Variants in MAP3K20 observed in about 807,000 individuals in gnomAD.
The protein encoded by MAP3K20 is mitogen-activated protein kinase kinase kinase 20.
In MAP3K20, 40 loss-of-function variants were observed where a neutral mutation model predicts 85.7. The ratio of observed to expected loss-of-function variants is 0.47; its 90% CI spans 0.36 to 0.61. MAP3K20 has a LOEUF of 0.61. Ranked by LOEUF, MAP3K20 falls within the 20% of genes least tolerant of loss-of-function variation. The pLI is 0.00. For missense variants in MAP3K20, 817 were observed against 961.7 expected (o/e 0.85, Z 1.99); for synonymous variants, 325 against 327.7 (o/e 0.99, Z 0.09).
At chr2:173,203,976 G>C in intron 9 of MAP3K20, 106 bp downstream of exon 9, 1 of 1,028,076 alleles carries the variant, frequency 9.7e-7, no homozygotes. Context: ...AGCAAAGCTG[G>C]ATTGATGCTC....
At position 173,198,184 on chromosome 2, in the gene MAP3K20, ATCT is replaced by A. The variant is rs771597782; in HGVS notation, c.669+78_669+80del. The A allele has an allele frequency of 1.0e-4, 142 of 1,358,304 alleles. No homozygotes were observed. The highest frequency in any genetic ancestry group is 1.4e-4 in the Non-Finnish European group (137 of 974,032). The allele number at this position is 1,358,304 out of a possible 1,614,324, so 84.1% of individuals were successfully genotyped here. A position where few individuals can be genotyped will look rare whatever the true frequency, so the allele number is the denominator to read the frequency against. ...TTGGGGTTTTGCAAAAGACTTTTTC[ATCT>A]TCTTCAAATTGAAAGTAAGTTCACG... On this transcript the variant is annotated intron_variant, in intron 8 of 19. Transcript: ENST00000375213. The surrounding 1 kb of genome is among the most constrained non-coding windows in gnomAD (Gnocchi z 5.8).
chr2:173,090,387 CTT>C (rs960082185), intron 1 of MAP3K20, among the ~76,000 whole-genome samples: 11 of 152,184 alleles, frequency 7.2e-5, no homozygotes, highest in African/African-American at 2.7e-4. Context: ...TTTTTCTACT[CTT>C]TAAGTTTTGT....
At position 173,242,239 on chromosome 2, in the gene MAP3K20, G is replaced by A. The variant is rs537062798; in HGVS notation, c.1359+2743G>A. On this transcript the variant is annotated intron_variant, in intron 16 of 19. Coordinates refer to ENST00000375213, the MANE Select transcript of MAP3K20 (RefSeq NM_016653.3). ...TGCCCAGGATGGAGTACAATGGCGCGATCTCGGCTCACTGCAACCTCCGAC... is the reference window on the plus strand; with the variant it reads ...TGCCCAGGATGGAGTACAATGGCGCAATCTCGGCTCACTGCAACCTCCGAC... 2.8e-3 allele frequency among the ~76,000 whole-genome samples: 424 copies of A among 151,344 alleles called. 1 individual carries two copies. Among genetic ancestry groups the A allele is most frequent in the African/African-American group, 9.9e-3 (408 of 41,170 alleles).
At chr2:173,128,355 T>TTTATTTC (rs1688508284) in intron 2 of MAP3K20, among the ~76,000 whole-genome samples, 2 of 117,584 alleles carry the variant, frequency 1.7e-5, no homozygotes, top group Non-Finnish European at 3.6e-5. Context: ...TTATTTCAGA[T>TTTATTTC]AGAGTCTCGC....
intron 2 of MAP3K20, among the ~76,000 whole-genome samples, chr2:173,124,167 C>T (rs1688376426): frequency 1.3e-5 from 2 of 152,160 alleles, no homozygotes; most frequent in South Asian, 4.1e-4. Flanking sequence ...CCATACTAAT[C>T]CCAAAGTTCT....
At chr2:173,082,353 T>A (rs1687035829) in intron 1 of MAP3K20, among the ~76,000 whole-genome samples, 1 of 152,198 alleles carries the variant, frequency 6.6e-6, no homozygotes, top group Non-Finnish European at 1.5e-5. Flanking sequence ...GTCTTAGTCT[T>A]CCCTAGTTTT....
chr2:173,197,923 T>C, intron 7 of MAP3K20, 103 bp from the exon 8 acceptor site: 1 of 938,784 alleles, frequency 1.1e-6, no homozygotes, highest in African/African-American at 1.7e-5. Context: ...GGGTTGGTTG[T>C]GTCTGGTAAT....
In MAP3K20 at chr2:173,267,178, T is replaced by C. The variant is rs1193899609; in HGVS notation, c.*428T>C. 1 of 153,950 alleles carries C rather than the reference T, an allele frequency of 6.5e-6. No homozygotes were observed. Among genetic ancestry groups the C allele is most frequent in the Non-Finnish European group, 1.4e-5 (1 of 69,294 alleles). The allele number at this position is 153,950 out of a possible 1,614,324, so 9.5% of individuals were successfully genotyped here. A position where few individuals can be genotyped will look rare whatever the true frequency, so the allele number is the denominator to read the frequency against. ...TGCAATATGGCCTGGCAAGGCACTG[T>C]TACTGATCTTGTCTTTAACATTTTG... On this transcript the variant is annotated 3_prime_UTR_variant, in exon 20 of 20. Coordinates refer to ENST00000375213, the MANE Select transcript of MAP3K20 (RefSeq NM_016653.3).
chr2:173,225,927 A>T (rs1047342086), intron 11 of MAP3K20: 11 of 985,068 alleles, frequency 1.1e-5, no homozygotes, highest in Non-Finnish European at 1.3e-5. Context: ...AAAAGAAAAA[A>T]AACTCATTGA....
At chr2:173,134,217 A>C (rs1458700001) in intron 2 of MAP3K20, among the ~76,000 whole-genome samples, 1 of 140,384 alleles carries the variant, frequency 7.1e-6, no homozygotes, top group African/African-American at 2.7e-5. Flanking sequence ...TTGAGACAGA[A>C]TCTCGCTCTG....
intron 2 of MAP3K20, among the ~76,000 whole-genome samples, chr2:173,096,153 T>TA (rs1379645929): frequency 7.2e-5 from 11 of 152,218 alleles, no homozygotes; most frequent in Admixed American, 2.0e-4. Flanking sequence ...CCTTAAACAC[T>TA]TCATCCTGTA....
chr2:173,234,670 G>A (rs1378229478), intron 14 of MAP3K20, among the ~76,000 whole-genome samples: 1 of 152,216 alleles, frequency 6.6e-6, no homozygotes, highest in African/African-American at 2.4e-5. Flanking sequence ...GGAAGAGAAT[G>A]TGGAGGAACA....
At chr2:173,139,888 C>T (rs1180027087) in intron 2 of MAP3K20, among the ~76,000 whole-genome samples, 1 of 148,080 alleles carries the variant, frequency 6.8e-6, no homozygotes, top group Admixed American at 6.7e-5. Flanking sequence ...ATATTTACTT[C>T]CTAGATTTTA....
At chr2:173,139,755 G>A (rs1185948829) in intron 2 of MAP3K20, among the ~76,000 whole-genome samples, 1 of 151,982 alleles carries the variant, frequency 6.6e-6, no homozygotes, top group Admixed American at 6.6e-5. Flanking sequence ...GTTAGTAAAC[G>A]AAAAGTAGAT....
intron 3 of MAP3K20, among the ~76,000 whole-genome samples, chr2:173,178,442 G>A (rs1466274351): frequency 1.3e-5 from 2 of 152,196 alleles, no homozygotes; most frequent in South Asian, 2.1e-4. Context: ...CCAGGAGTTC[G>A]AGACCAGCCT....
intron 2 of MAP3K20, among the ~76,000 whole-genome samples, chr2:173,129,941 G>A (rs1688558237): frequency 6.6e-6 from 1 of 152,096 alleles, no homozygotes; most frequent in Admixed American, 6.6e-5. Context: ...AATGAATGCA[G>A]ATACTCACTA....
At chr2:173,170,993 A>G (rs1042686783) in intron 3 of MAP3K20, among the ~76,000 whole-genome samples, 3 of 152,216 alleles carry the variant, frequency 2.0e-5, no homozygotes, top group East Asian at 3.9e-4. Context: ...GTAGTTTAAC[A>G]TGCTTTTACT....
intron 2 of MAP3K20, among the ~76,000 whole-genome samples, chr2:173,159,465 C>T (rs1451386870): frequency 6.7e-6 from 1 of 149,742 alleles, no homozygotes; most frequent in Non-Finnish European, 1.5e-5. Flanking sequence ...TCTCAGCTCA[C>T]TGCAGCCTGG....
intron 11 of MAP3K20, among the ~76,000 whole-genome samples, chr2:173,227,576 T>C (rs1008074462): frequency 6.6e-6 from 1 of 152,196 alleles, no homozygotes; most frequent in Admixed American, 6.5e-5. Context: ...AGCCAGTGCC[T>C]TTCCCTAGGC....
Sources: gnomAD v4.1 joint callset for allele counts (sites outside exome capture counted in the v4.1 genomes callset) on GRCh38, gnomAD v4.1.1 for gene constraint, Gnocchi (gnomAD v3.1) non-coding constraint, MANE v1.5 for transcripts, NCBI Gene and HGNC (gene_info 2026-07-23, HGNC 2026-07-21) for gene names.